OR5D16: variants seen among roughly 807,000 people sequenced by gnomAD.
OR5D16 encodes olfactory receptor family 5 subfamily D member 16.
For synonymous variants in OR5D16, 185 were observed against 153.2 expected (o/e 1.21, Z -1.53); for missense variants, 477 against 385.5 (o/e 1.24, Z -1.99).
chr11:55,839,065 TC>T lies in OR5D16; in HGVS notation c.315del (p.Cys107AlafsTer4), dbSNP rs751438577. 6.8e-6 allele frequency: 11 copies of T among 1,613,942 alleles called. No individual in the cohort carries two copies. The highest frequency in any genetic ancestry group is 9.3e-6 in the Non-Finnish European group (11 of 1,179,960). ...SFSGCLVQFF[F>X]FCTFVVTELI... is the part of the protein sequence containing the mutation. ...TCAGGATGTTTGGTGCAATTCTTTT[TC>T]TTTTGCACCTTTGTAGTGACTGAAT... is the stretch of plus-strand genomic sequence containing the variant. On this transcript the variant is annotated frameshift_variant, in exon 1 of 1. Coordinates refer to ENST00000378396, the MANE Select transcript of OR5D16 (RefSeq NM_001005496.1). LOFTEE classifies it low-confidence loss of function (END_TRUNC).
At position 55,839,210 on chromosome 11, in the gene OR5D16, G is replaced by C. The variant is rs773527723; in HGVS notation, c.459G>C (p.Trp153Cys). Residue 153 changes from tryptophan (W) to cysteine (C), a missense_variant, in exon 1 of 1, where the codon TGG becomes TGC. Physicochemically the swap from Trp to Cys is radical, Grantham distance 215. Coordinates refer to ENST00000378396, the MANE Select transcript of OR5D16 (RefSeq NM_001005496.1). Reference protein sequence around the residue: ...CAMLVVVLYAWGVACSLTLAC... With the variant: ...CAMLVVVLYACGVACSLTLAC... ...TGCTGGTGGTTGTATTGTATGCATGGGGAGTCGCATGTTCCCTGACACTCG... is the reference window on the plus strand; with the variant it reads ...TGCTGGTGGTTGTATTGTATGCATGCGGAGTCGCATGTTCCCTGACACTCG... 1.9e-6 allele frequency: 3 copies of C among 1,613,786 alleles called. No individual in the cohort carries two copies. Among genetic ancestry groups the C allele is most frequent in the Non-Finnish European group, 2.5e-6 (3 of 1,179,940 alleles).
Position 55,839,090 on chromosome 11 carries a change from A to G in OR5D16, c.339A>G (p.Glu113=). ...TCTTTTGCACCTTTGTAGTGACTGA[A>G]TTAATTCTATTTGCGGTGATGGCCT... is the stretch of plus-strand genomic sequence containing the variant. ...FFFFCTFVVT[E]LILFAVMAYD... The change falls in exon 1 of 1, where the codon GAA becomes GAG. Residue 113 remains glutamate, a synonymous_variant. Coordinates refer to ENST00000378396, the MANE Select transcript of OR5D16 (RefSeq NM_001005496.1). The G allele has an allele frequency of 6.2e-7, 1 of 1,614,022 alleles. No homozygotes were observed. Among genetic ancestry groups the G allele is most frequent in the Non-Finnish European group, 8.5e-7 (1 of 1,179,980 alleles).
At position 55,839,125 on chromosome 11, in the gene OR5D16, T is replaced by G. The variant is rs1388605513; in HGVS notation, c.374T>G (p.Phe125Cys). ...TTTGCGGTGATGGCCTATGACCACTTTGTGGCCATTTGCAATCCTCTGCTC... is the reference window on the plus strand; with the variant it reads ...TTTGCGGTGATGGCCTATGACCACTGTGTGGCCATTTGCAATCCTCTGCTC... ...ILFAVMAYDH[F>C]VAICNPLLYT... is the part of the protein sequence containing the mutation. Residue 125 changes from phenylalanine to cysteine, a missense_variant, in exon 1 of 1, where the codon TTT becomes TGT. Coordinates refer to ENST00000378396, the MANE Select transcript of OR5D16 (RefSeq NM_001005496.1). 1.9e-6 allele frequency: 3 copies of G among 1,613,968 alleles called. No individual in the cohort carries two copies. In the East Asian group the frequency reaches 6.7e-5, roughly 36 times the overall value.
rs201033680 is a variant in OR5D16 at position 55,838,897 on chromosome 11, T to C, written c.146T>C (p.Val49Ala). The C allele has an allele frequency of 4.8e-5, 77 of 1,613,964 alleles. No individual in the cohort carries two copies. Among genetic ancestry groups the C allele is most frequent in the African/African-American group, 1.3e-5 (1 of 75,004 alleles). Residue 49 changes from valine to alanine, a missense_variant, in exon 1 of 1, where the codon GTG becomes GCG. Physicochemically the swap from Val to Ala is moderately conservative, Grantham distance 64. Coordinates refer to ENST00000378396, the MANE Select transcript of OR5D16 (RefSeq NM_001005496.1). The stretch of plus-strand genomic sequence containing the variant: ...GTGGTAGGGAATCTTGGGATGATAG[T>C]GATCATCAAAATTAACCCAAAATTG... Reference protein sequence around the residue: ...FSVVGNLGMIVIIKINPKLHT... With the variant: ...FSVVGNLGMIAIIKINPKLHT...
At position 55,838,944 on chromosome 11, in the gene OR5D16, C is replaced by T; in HGVS notation, c.193C>T (p.Leu65Phe). 6.2e-7 allele frequency: 1 copy of T among 1,613,904 alleles called. No individual in the cohort carries two copies. Among genetic ancestry groups the T allele is most frequent in the South Asian group, 1.1e-5 (1 of 91,060 alleles). Residue 65 changes from leucine to phenylalanine, a missense_variant, in exon 1 of 1, where the codon CTC (leucine) becomes TTC (phenylalanine). Coordinates refer to ENST00000378396, the MANE Select transcript of OR5D16 (RefSeq NM_001005496.1). ...PKLHTPMYFF[L>F]NHLSFVDFCY... ...ATTGCATACCCCCATGTATTTTTTC[C>T]TCAACCACCTCTCCTTTGTGGATTT... is the stretch of plus-strand genomic sequence containing the variant.
chr11:55,839,612 G>A lies in OR5D16; in HGVS notation c.861G>A (p.Leu287=). 1 of 1,613,958 alleles carries A rather than the reference G, an allele frequency of 6.2e-7. No homozygotes were observed. The highest frequency in any genetic ancestry group is 1.1e-5 in the South Asian group (1 of 91,074). ...SVFYTVVIPL[L]NPLIYSLRNK... is the part of the protein sequence containing the mutation. ...TTTACACCGTGGTGATCCCCTTGTT[G>A]AATCCCCTGATCTACAGTCTGAGAA... The change falls in exon 1 of 1, where the codon TTG becomes TTA. Residue 287 remains leucine, a synonymous_variant. Coordinates refer to ENST00000378396, the MANE Select transcript of OR5D16 (RefSeq NM_001005496.1).
Position 55,839,455 on chromosome 11 carries a change from G to A in OR5D16, c.704G>A (p.Gly235Glu), listed in dbSNP as rs781145056. 3.7e-6 allele frequency: 6 copies of A among 1,613,900 alleles called. No individual in the cohort carries two copies. Among genetic ancestry groups the A allele is most frequent in the African/African-American group, 1.3e-5 (1 of 74,972 alleles). The change falls in exon 1 of 1, where the codon GGG becomes GAG. Residue 235 changes from glycine (G) to glutamate (E), a missense_variant. Coordinates refer to ENST00000378396, the MANE Select transcript of OR5D16 (RefSeq NM_001005496.1). ...VTTLKMPSASGHRKVFSTCAS... is the reference protein window; with the variant it reads ...VTTLKMPSASEHRKVFSTCAS... ...ACCTTGAAGATGCCTTCAGCCAGTGGGCACCGCAAAGTCTTCTCCACCTGT... is the reference window on the plus strand; with the variant it reads ...ACCTTGAAGATGCCTTCAGCCAGTGAGCACCGCAAAGTCTTCTCCACCTGT...
rs868121025 is a variant in OR5D16 at position 55,838,875 on chromosome 11, G to A, written c.124G>A (p.Val42Ile). The change falls in exon 1 of 1, where the codon GTA becomes ATA. Residue 42 changes from valine to isoleucine, a missense_variant. Physicochemically the swap from Val to Ile is conservative, Grantham distance 29 (BLOSUM62 3). Coordinates refer to ENST00000378396, the MANE Select transcript of OR5D16 (RefSeq NM_001005496.1). ...TCTGGCAGTCTACGGCTTCAGTGTG[G>A]TAGGGAATCTTGGGATGATAGTGAT... ...VFLAVYGFSV[V>I]GNLGMIVIIK... is the part of the protein sequence containing the mutation. 1 of 1,613,988 alleles carries A rather than the reference G, an allele frequency of 6.2e-7. No homozygotes were observed. The highest frequency in any genetic ancestry group is 8.5e-7 in the Non-Finnish European group (1 of 1,179,956).
At position 55,839,617 on chromosome 11, in the gene OR5D16, C is replaced by A; in HGVS notation, c.866C>A (p.Pro289His). 6.2e-7 allele frequency: 1 copy of A among 1,613,890 alleles called. No homozygotes were observed. Among genetic ancestry groups the A allele is most frequent in the Non-Finnish European group, 8.5e-7 (1 of 1,179,898 alleles). The part of the protein sequence containing the change: ...FYTVVIPLLN[P>H]LIYSLRNKDV... ...ACCGTGGTGATCCCCTTGTTGAATC[C>A]CCTGATCTACAGTCTGAGAAATAAA... Residue 289 changes from proline (P) to histidine (H), a missense_variant, in exon 1 of 1, where the codon CCC becomes CAC. Coordinates refer to ENST00000378396, the MANE Select transcript of OR5D16 (RefSeq NM_001005496.1).
chr11:55,839,407 C>G lies in OR5D16; in HGVS notation c.656C>G (p.Ser219Cys). 6.2e-7 allele frequency: 1 copy of G among 1,614,016 alleles called. No individual in the cohort carries two copies. The highest frequency in any genetic ancestry group is 1.3e-5 in the African/African-American group (1 of 75,032). The stretch of plus-strand genomic sequence containing the variant: ...AGCACACTACTCATCATTCTGACAT[C>G]TTATGCATTCATCATTGTCACCACC... Reference protein sequence around the residue: ...EISTLLIILTSYAFIIVTTLK... With the variant: ...EISTLLIILTCYAFIIVTTLK... The change falls in exon 1 of 1, where the codon TCT becomes TGT. Residue 219 changes from serine to cysteine, a missense_variant. Physicochemically the swap from Ser to Cys is moderately radical, Grantham distance 112. Coordinates refer to ENST00000378396, the MANE Select transcript of OR5D16 (RefSeq NM_001005496.1).
rs772815627 is a variant in OR5D16 at position 55,839,359 on chromosome 11, C to A, written c.608C>A (p.Thr203Asn). The A allele has an allele frequency of 6.2e-7, 1 of 1,613,972 alleles. No individual in the cohort carries two copies. The highest frequency in any genetic ancestry group is 1.3e-5 in the African/African-American group (1 of 74,928). ...TATCTCAGCCAGTTGCTTCTTTTCA[C>A]TGTTGCCACTTTTAATGAGATAAGC... ...DSYLSQLLLFTVATFNEISTL... is the reference protein window; with the variant it reads ...DSYLSQLLLFNVATFNEISTL... The change falls in exon 1 of 1, where the codon ACT (threonine) becomes AAT (asparagine). Residue 203 changes from threonine to asparagine, a missense_variant. Thr to Asn is a moderately conservative substitution (Grantham distance 65). Coordinates refer to ENST00000378396, the MANE Select transcript of OR5D16 (RefSeq NM_001005496.1).
chr11:55,838,765 A>G lies in OR5D16; in HGVS notation c.14A>G (p.Glu5Gly), dbSNP rs1854043078. The change falls in exon 1 of 1, where the codon GAG becomes GGG. Residue 5 changes from glutamate to glycine, a missense_variant. By Grantham distance (98) the Glu-to-Gly change is moderately conservative. Transcript: ENST00000378396. MFLTERNTTSEATFT... is the reference protein window; with the variant it reads MFLTGRNTTSEATFT... ...CGAAAGGAAAACATGTTTCTGACAG[A>G]GAGAAATACGACATCTGAGGCCACA... 2 of 1,606,648 alleles carry G rather than the reference A, an allele frequency of 1.2e-6. No individual in the cohort carries two copies. The highest frequency in any genetic ancestry group is 3.4e-5 in the Admixed American group (2 of 58,518).
Position 55,839,529 on chromosome 11 carries a change from C to T in OR5D16, c.778C>T (p.Leu260Phe), listed in dbSNP as rs375832312. 36 of 1,614,002 alleles carry T rather than the reference C, an allele frequency of 2.2e-5. No homozygotes were observed. The highest frequency in any genetic ancestry group is 3.1e-5 in the Non-Finnish European group (36 of 1,179,992). Residue 260 changes from leucine (L) to phenylalanine (F), a missense_variant, in exon 1 of 1, where the codon CTC (leucine) becomes TTC (phenylalanine). Leu to Phe is a conservative substitution (Grantham distance 22). Coordinates refer to ENST00000378396, the MANE Select transcript of OR5D16 (RefSeq NM_001005496.1). Reference sequence around the variant, plus strand: ...CATCTTCCATGGCACCATCCTCTTCCTCTACTGTGTACCCAACTCCAAAAA... The same window carrying T: ...CATCTTCCATGGCACCATCCTCTTCTTCTACTGTGTACCCAACTCCAAAAA... Reference protein sequence around the residue: ...ITIFHGTILFLYCVPNSKNSR... With the variant: ...ITIFHGTILFFYCVPNSKNSR...
chr11:55,838,959 T>G lies in OR5D16; in HGVS notation c.208T>G (p.Phe70Val). ...GTATTTTTTCCTCAACCACCTCTCC[T>G]TTGTGGATTTCTGCTATTCCTCCAT... ...PMYFFLNHLS[F>V]VDFCYSSIIA... The change falls in exon 1 of 1, where the codon TTT (phenylalanine) becomes GTT (valine). Residue 70 changes from phenylalanine to valine, a missense_variant. Phe to Val is a conservative substitution (Grantham distance 50, BLOSUM62 -1). Coordinates refer to ENST00000378396, the MANE Select transcript of OR5D16 (RefSeq NM_001005496.1). 6.2e-7 allele frequency: 1 copy of G among 1,614,016 alleles called. No homozygotes were observed.
Position 55,838,856 on chromosome 11 carries a change from A to G in OR5D16, c.105A>G (p.Ala35=). The part of the protein sequence containing the change: ...LQIPLFFVFL[A]VYGFSVVGNL... ...TTCCCCTCTTCTTTGTATTTCTGGCAGTCTACGGCTTCAGTGTGGTAGGGA... is the reference window on the plus strand; with the variant it reads ...TTCCCCTCTTCTTTGTATTTCTGGCGGTCTACGGCTTCAGTGTGGTAGGGA... The change falls in exon 1 of 1, where the codon GCA becomes GCG. Residue 35 remains alanine, a synonymous_variant. Coordinates refer to ENST00000378396, the MANE Select transcript of OR5D16 (RefSeq NM_001005496.1). 2.5e-6 allele frequency: 4 copies of G among 1,614,020 alleles called. No homozygotes were observed. Among genetic ancestry groups the G allele is most frequent in the Non-Finnish European group, 3.4e-6 (4 of 1,179,936 alleles).
chr11:55,839,052 G>A lies in OR5D16; in HGVS notation c.301G>A (p.Val101Met). The change falls in exon 1 of 1, where the codon GTG becomes ATG. Residue 101 changes from valine to methionine, a missense_variant. Transcript: ENST00000378396. ...DRTISFSGCL[V>M]QFFFFCTFVV... ...AACCATTTCATTCTCAGGATGTTTG[G>A]TGCAATTCTTTTTCTTTTGCACCTT... The A allele has an allele frequency of 6.2e-7, 1 of 1,613,962 alleles. No homozygotes were observed. The highest frequency in any genetic ancestry group is 8.5e-7 in the Non-Finnish European group (1 of 1,179,962).
chr11:55,839,616 C>G lies in OR5D16; in HGVS notation c.865C>G (p.Pro289Ala), dbSNP rs1854068208. 1 of 1,613,786 alleles carries G rather than the reference C, an allele frequency of 6.2e-7. No homozygotes were observed. Among genetic ancestry groups the G allele is most frequent in the South Asian group, 1.1e-5 (1 of 91,080 alleles). The part of the protein sequence containing the change: ...FYTVVIPLLN[P>A]LIYSLRNKDV... The stretch of plus-strand genomic sequence containing the variant: ...CACCGTGGTGATCCCCTTGTTGAAT[C>G]CCCTGATCTACAGTCTGAGAAATAA... Residue 289 changes from proline (P) to alanine (A), a missense_variant, in exon 1 of 1, where the codon CCC becomes GCC. Pro to Ala is a conservative substitution (Grantham distance 27, BLOSUM62 -1). Coordinates refer to ENST00000378396, the MANE Select transcript of OR5D16 (RefSeq NM_001005496.1).
chr11:55,839,165 C>A lies in OR5D16; in HGVS notation c.414C>A (p.Ile138=), dbSNP rs747455484. The part of the protein sequence containing the change: ...ICNPLLYTVA[I]SQKLCAMLVV... ...ATCCTCTGCTCTACACAGTTGCCATCTCCCAGAAACTCTGTGCCATGCTGG... is the reference window on the plus strand; with the variant it reads ...ATCCTCTGCTCTACACAGTTGCCATATCCCAGAAACTCTGTGCCATGCTGG... Residue 138 remains isoleucine (I), a synonymous_variant, in exon 1 of 1, where the codon ATC becomes ATA. Coordinates refer to ENST00000378396, the MANE Select transcript of OR5D16 (RefSeq NM_001005496.1). 15 of 1,614,068 alleles carry A rather than the reference C, an allele frequency of 9.3e-6. No individual in the cohort carries two copies. Among genetic ancestry groups the A allele is most frequent in the Non-Finnish European group, 5.9e-6 (7 of 1,179,984 alleles).
In OR5D16 at chr11:55,839,519, C is replaced by T. The variant is rs371554840; in HGVS notation, c.768C>T (p.Thr256=). Residue 256 remains threonine (T), a synonymous_variant, in exon 1 of 1, where the codon ACC becomes ACT. Coordinates refer to ENST00000378396, the MANE Select transcript of OR5D16 (RefSeq NM_001005496.1). ...HLTAITIFHG[T]ILFLYCVPNS... ...CTGCCATCACCATCTTCCATGGCAC[C>T]ATCCTCTTCCTCTACTGTGTACCCA... is the stretch of plus-strand genomic sequence containing the variant. 9 of 1,614,096 alleles carry T rather than the reference C, an allele frequency of 5.6e-6. No individual in the cohort carries two copies. The highest frequency in any genetic ancestry group is 7.6e-6 in the Non-Finnish European group (9 of 1,179,982).
Sources: gnomAD v4.1 joint callset for allele counts on GRCh38, gnomAD v4.1.1 for gene constraint, MANE v1.5 for transcripts, NCBI Gene and HGNC (gene_info 2026-07-23, HGNC 2026-07-21) for gene names.